Variants in TTL observed in about 807,000 individuals in gnomAD.
TTL encodes the protein tubulin--tyrosine ligase.
TTL carries 10 observed loss-of-function variants against 41.1 expected under a neutral mutation model. That is an observed-to-expected ratio of 0.24 (90% CI 0.15 to 0.41). The LOEUF is 0.41. TTL is among the 10% of genes least tolerant of loss of function. The pLI is 1.00. For synonymous variants in TTL, 175 were observed against 175.5 expected, an observed-to-expected ratio of 1.00 and a Z score of 0.02; for missense variants, 367 against 460.4, an observed-to-expected ratio of 0.80 and a Z score of 1.86.
intron 3 of TTL, among the ~76,000 whole-genome samples, chr2:112,498,009 G>A (rs538571604): frequency 3.9e-5 from 6 of 152,322 alleles, no homozygotes; most frequent in South Asian, 4.1e-4. Context: ...CAATGAACAT[G>A]TGGAAACCAA....
At chr2:112,522,180 G>C (rs776474047) in intron 6 of TTL, 2 of 152,606 alleles carry the variant, frequency 1.3e-5, no homozygotes, top group South Asian at 4.1e-4. Flanking sequence ...GCCACATCCT[G>C]TTCCAATGAT....
rs972890147 is a variant in TTL at position 112,535,166 on chromosome 2, A to C, written c.*6371A>C. 1.3e-5 allele frequency: 2 copies of C among 152,224 alleles called. No individual in the cohort carries two copies. The highest frequency in any genetic ancestry group is 4.8e-5 in the African/African-American group (2 of 41,462). 9.4% of individuals were successfully genotyped at this position (152,224 alleles called of 1,614,324 possible). On this transcript the variant is annotated 3_prime_UTR_variant, in exon 7 of 7. Coordinates refer to ENST00000233336, the MANE Select transcript of TTL (RefSeq NM_153712.5). Reference sequence around the variant, plus strand: ...TGCAAAGTACAAAAATGCAAATGAAAGATTTACTTGAGAAGTTTAAAAAAT... The same window carrying C: ...TGCAAAGTACAAAAATGCAAATGAACGATTTACTTGAGAAGTTTAAAAAAT...
At chr2:112,527,411 G>A (rs1246937887) in intron 6 of TTL, among the ~76,000 whole-genome samples, 1 of 152,090 alleles carries the variant, frequency 6.6e-6, no homozygotes, top group Non-Finnish European at 1.5e-5. Flanking sequence ...TTGACAGTGG[G>A]ATGTTGAAGT....
intron 3 of TTL, among the ~76,000 whole-genome samples, chr2:112,497,709 G>T (rs1376194762): frequency 6.6e-6 from 1 of 151,794 alleles, no homozygotes; most frequent in African/African-American, 2.4e-5. Flanking sequence ...CAAGTGACAG[G>T]AAGAAGATAG....
intron 5 of TTL, 147 bp downstream of exon 5, chr2:112,503,328 G>A (rs1279753851): frequency 2.8e-5 from 18 of 639,580 alleles, no homozygotes; most frequent in Non-Finnish European, 4.4e-5. Flanking sequence ...TTTAATGTCT[G>A]CAGGTTCTGT....
At chr2:112,520,853 G>C (rs1212900382) in intron 6 of TTL, among the ~76,000 whole-genome samples, 1 of 152,168 alleles carries the variant, frequency 6.6e-6, no homozygotes, top group African/African-American at 2.4e-5. Flanking sequence ...GGGAGGTTGA[G>C]GCTGCAGTGA....
At position 112,482,472 on chromosome 2, in the gene TTL, A is replaced by G; in HGVS notation, c.128A>G (p.Glu43Gly). Residue 43 changes from glutamate (E) to glycine (G), a missense_variant, in exon 1 of 7, where the codon GAG becomes GGG. Transcript: ENST00000233336. The surrounding 1 kb of genome is among the most constrained non-coding windows in gnomAD (Gnocchi z 5.3). ...CCCAGATTCAACCTGATGCTGGGAG[A>G]GAGGAATCGGCTGCCCTTCGGGAGA... ...DNPRFNLMLG[E>G]RNRLPFGRLG... 6.2e-7 allele frequency: 1 copy of G among 1,611,154 alleles called. No individual in the cohort carries two copies. Among genetic ancestry groups the G allele is most frequent in the Non-Finnish European group, 8.5e-7 (1 of 1,178,718 alleles).
rs374747849 is a variant in TTL at position 112,520,441 on chromosome 2, A to G, written c.1019+16A>G. On this transcript the variant is annotated intron_variant, in intron 6 of 6. Coordinates refer to ENST00000233336, the MANE Select transcript of TTL (RefSeq NM_153712.5). ...CATGTGCTCAGTAAGCCTGCACGTC[A>G]TTGTGTTTTTACAAGTGGGAAGTTG... 2.5e-6 allele frequency: 4 copies of G among 1,610,322 alleles called. No individual in the cohort carries two copies. Among genetic ancestry groups the G allele is most frequent in the Non-Finnish European group, 2.5e-6 (3 of 1,177,676 alleles).
rs1005679118 is a variant in TTL at position 112,536,361 on chromosome 2, A to T, written c.*7566A>T. On this transcript the variant is annotated 3_prime_UTR_variant, in exon 7 of 7. Coordinates refer to ENST00000233336, the MANE Select transcript of TTL (RefSeq NM_153712.5). Reference sequence around the variant, plus strand: ...CAGCTGGGATTACAGGCATCAGCCAATGCACCTGGCAAAACACACTTTAGA... The same window carrying T: ...CAGCTGGGATTACAGGCATCAGCCATTGCACCTGGCAAAACACACTTTAGA... 1 of 152,130 alleles carries T rather than the reference A, an allele frequency of 6.6e-6. No homozygotes were observed. The highest frequency in any genetic ancestry group is 6.5e-5 in the Admixed American group (1 of 15,270). The allele number at this position is 152,130 out of a possible 1,614,324, so 9.4% of individuals were successfully genotyped here. A position where few individuals can be genotyped will look rare whatever the true frequency, so the allele number is the denominator to read the frequency against.
chr2:112,491,192 C>G (rs1327943574), intron 2 of TTL, among the ~76,000 whole-genome samples: 1 of 151,990 alleles, frequency 6.6e-6, no homozygotes, highest in Non-Finnish European at 1.5e-5. Flanking sequence ...AGGGTTTCAC[C>G]GCGTTAGCCA....
At chr2:112,503,433 T>A (rs866880393) in intron 5 of TTL, among the ~76,000 whole-genome samples, 5 of 125,514 alleles carry the variant, frequency 4.0e-5, no homozygotes, top group African/African-American at 8.3e-5. Flanking sequence ...ATATATTTAT[T>A]TATTTATTTA....
chr2:112,525,849 A>G (rs1270042077), intron 6 of TTL, among the ~76,000 whole-genome samples: 1 of 152,194 alleles, frequency 6.6e-6, no homozygotes, highest in African/African-American at 2.4e-5. Context: ...GAGAGAGGGC[A>G]TCCCTGTCTT....
At position 112,535,710 on chromosome 2, in the gene TTL, ATACTC is replaced by A. The variant is rs1682584549; in HGVS notation, c.*6916_*6920del. On this transcript the variant is annotated 3_prime_UTR_variant, in exon 7 of 7. Transcript: ENST00000233336. ...ATTTCATTAAATGCAAATGAATTAA[ATACTC>A]CAATCAGAAGGTAGAGATTGGCAAA... 1 of 147,714 alleles carries A rather than the reference ATACTC, an allele frequency of 6.8e-6. No homozygotes were observed. Among genetic ancestry groups the A allele is most frequent in the Non-Finnish European group, 1.5e-5 (1 of 67,452 alleles). The allele number at this position is 147,714 out of a possible 1,614,324, so 9.2% of individuals were successfully genotyped here. A position where few individuals can be genotyped will look rare whatever the true frequency, so the allele number is the denominator to read the frequency against.
At chr2:112,490,160 A>G (rs1681342929) in intron 2 of TTL, among the ~76,000 whole-genome samples, 1 of 152,176 alleles carries the variant, frequency 6.6e-6, no homozygotes, top group Non-Finnish European at 1.5e-5. Flanking sequence ...TCACACCTGT[A>G]ATCCCAACAC....
intron 6 of TTL, chr2:112,520,664 G>T: frequency 2.1e-6 from 1 of 484,850 alleles, no homozygotes. Context: ...CCAGCACTTT[G>T]GGAGGCCAAG....
intron 6 of TTL, among the ~76,000 whole-genome samples, chr2:112,523,533 G>A (rs568972657): frequency 8.0e-5 from 12 of 149,106 alleles, no homozygotes; most frequent in South Asian, 4.2e-4. Context: ...GAGTCTTCCC[G>A]TGTCACTGGG....
intron 6 of TTL, chr2:112,521,291 AGAAG>A (rs1270978896): frequency 2.0e-6 from 2 of 985,160 alleles, no homozygotes; most frequent in Non-Finnish European, 2.4e-6. Context: ...TTCTCTCGGG[AGAAG>A]GCTGGTTGTA....
intron 4 of TTL, 119 bp from the exon 5 acceptor site, chr2:112,502,793 C>T (rs1461681289): frequency 1.9e-6 from 2 of 1,051,054 alleles, no homozygotes; most frequent in African/African-American, 3.2e-5. Flanking sequence ...TCCTCCTTCC[C>T]TAGTTGCCTC....
intron 3 of TTL, among the ~76,000 whole-genome samples, chr2:112,498,322 T>TA (rs945220698): frequency 3.3e-5 from 5 of 150,740 alleles, no homozygotes; most frequent in Admixed American, 1.3e-4. Flanking sequence ...AAATTCCGTC[T>TA]AAAAAAAAAC....
Sources: allele counts gnomAD v4.1 joint callset (sites outside exome capture counted in the v4.1 genomes callset), GRCh38; gene constraint gnomAD v4.1.1; non-coding constraint Gnocchi (gnomAD v3.1); transcripts MANE v1.5; gene names NCBI Gene and HGNC (gene_info 2026-07-23, HGNC 2026-07-21).